The following HES3 variants were observed in gnomAD, a reference collection of about 807,000 sequenced individuals.
HES3 encodes hes family bHLH transcription factor 3.
HES3 carries 6 observed loss-of-function variants against 8.0 expected under a neutral mutation model. The ratio of observed to expected loss-of-function variants is 0.75; its 90% CI spans 0.41 to 1.49. HES3 has a LOEUF of 1.49. Among genes scored for constraint, HES3 ranks in the 40% most tolerant of loss-of-function variants. The pLI is 0.01. For missense variants in HES3, 266 were observed against 260.9 expected (o/e 1.02, Z -0.13); for synonymous variants, 121 against 119.4 (o/e 1.01, Z -0.09).
chr1:6,244,483 C>G (rs1638259929), intron 2 of HES3, 37 bp downstream of exon 2: 2 of 1,609,122 alleles, frequency 1.2e-6, no homozygotes, highest in Admixed American at 3.3e-5. Flanking sequence ...GTGGGTGATA[C>G]GATCCCAACC....
rs1638286118 is a variant in HES3 at position 6,245,488 on chromosome 1, C to A, written c.542C>A (p.Pro181His). Residue 181 changes from proline to histidine, a missense_variant, in exon 4 of 4, where the codon CCC becomes CAC. Transcript: ENST00000377898. ...CGCGTGTGGCGGCCCTGGGGAAGCC[C>A]CGGGGATGACCTGAACTGAAGGCGC... ...GLRVWRPWGS[P>H]GDDLN The A allele has an allele frequency of 6.6e-7, 1 of 1,512,468 alleles. No individual in the cohort carries two copies. Among genetic ancestry groups the A allele is most frequent in the Non-Finnish European group, 8.7e-7 (1 of 1,144,828 alleles). The allele number at this position is 1,512,468 out of a possible 1,614,324, so 93.7% of individuals were successfully genotyped here.
chr1:6,245,065 C>A, intron 3 of HES3, 45 bp from the exon 4 acceptor site: 2 of 980,580 alleles, frequency 2.0e-6, no homozygotes, highest in Non-Finnish European at 2.8e-6. Flanking sequence ...CCTTCCCCTT[C>A]CCTCTCTTCC....
At chr1:6,244,908 G>A (rs972987895) in intron 3 of HES3, among the ~76,000 whole-genome samples, 8 of 151,906 alleles carry the variant, frequency 5.3e-5, no homozygotes, top group African/African-American at 1.7e-4. Context: ...GACCCCGGGG[G>A]AGACGTTCGG....
intron 3 of HES3, 95 bp downstream of exon 3, chr1:6,244,724 T>C (rs946464334): frequency 1.7e-6 from 2 of 1,150,952 alleles, no homozygotes; most frequent in East Asian, 2.4e-5. Context: ...CAAGGACCGC[T>C]TGACCCCGGG....
intron 1 of HES3, 44 bp from the exon 2 acceptor site, chr1:6,244,307 C>A: frequency 1.3e-6 from 2 of 1,520,308 alleles, no homozygotes; most frequent in Non-Finnish European, 1.8e-6. Flanking sequence ...GTGCCGAGGG[C>A]AGGAGGGTGG....
rs780324479 is a variant in HES3 at position 6,245,462 on chromosome 1, G to C, written c.516G>C (p.Leu172=). The C allele has an allele frequency of 7.2e-6, 11 of 1,525,846 alleles. No individual in the cohort carries two copies. In the South Asian group the frequency reaches 1.4e-4, roughly 19 times the overall value. 94.5% of individuals were successfully genotyped at this position (1,525,846 alleles called of 1,614,324 possible). Residue 172 remains leucine, a synonymous_variant, in exon 4 of 4, where the codon CTG becomes CTC. Transcript: ENST00000377898. The part of the protein sequence containing the change: ...SRCAESPGLG[L]RVWRPWGSPG... The stretch of plus-strand genomic sequence containing the variant: ...GCGCCGAGAGTCCCGGGCTGGGCCT[G>C]CGCGTGTGGCGGCCCTGGGGAAGCC...
At position 6,245,562 on chromosome 1, in the gene HES3, T is replaced by G; in HGVS notation, c.*55T>G. 2.1e-6 allele frequency: 3 copies of G among 1,424,476 alleles called. No individual in the cohort carries two copies. The highest frequency in any genetic ancestry group is 2.7e-6 in the Non-Finnish European group (3 of 1,093,988). 88.2% of individuals were successfully genotyped at this position (1,424,476 alleles called of 1,614,324 possible). ...GGGACTATTTTCAGCACGCCCACAG[T>G]GACTGCCAGGACCCCCCAGTCGTCC... On this transcript the variant is annotated 3_prime_UTR_variant, in exon 4 of 4. Coordinates refer to ENST00000377898, the MANE Select transcript of HES3 (RefSeq NM_001024598.4).
rs750299403 is a variant in HES3 at position 6,245,241 on chromosome 1, G to T, written c.295G>T (p.Ala99Ser). The T allele has an allele frequency of 4.6e-6, 7 of 1,517,702 alleles. No individual in the cohort carries two copies. Among genetic ancestry groups the T allele is most frequent in the Non-Finnish European group, 6.1e-6 (7 of 1,138,696 alleles). The allele number at this position is 1,517,702 out of a possible 1,614,324, so 94.0% of individuals were successfully genotyped here. Residue 99 changes from alanine to serine, a missense_variant, in exon 4 of 4, where the codon GCC (alanine) becomes TCC (serine). Physicochemically the swap from Ala to Ser is moderately conservative, Grantham distance 99. Transcript: ENST00000377898. ...GCGCTGCCCCCTGGTGCCCGAGAGC[G>T]CCGCCGGCAGCACCATGGACAGCGC... ...GLRCPLVPES[A>S]AGSTMDSAGL...
rs1267810547 is a variant in HES3, at chr1:6,245,269, G to T, written c.323G>T (p.Gly108Val). 15 of 1,500,734 alleles carry T rather than the reference G, an allele frequency of 1.0e-5. No homozygotes were observed. The highest frequency in any genetic ancestry group is 1.3e-5 in the Non-Finnish European group (15 of 1,133,336). 93.0% of individuals were successfully genotyped at this position (1,500,734 alleles called of 1,614,324 possible). Residue 108 changes from glycine to valine, a missense_variant, in exon 4 of 4, where the codon GGG becomes GTG. By Grantham distance (109) the Gly-to-Val change is moderately radical (BLOSUM62 -3). Coordinates refer to ENST00000377898, the MANE Select transcript of HES3 (RefSeq NM_001024598.4). ...GCCGGCAGCACCATGGACAGCGCCG[G>T]GTTGGGCCAGGAGGCGCCCGCGCTG... ...SAAGSTMDSA[G>V]LGQEAPALFR... is the part of the protein sequence containing the mutation.
At chr1:6,245,008 T>TCCCCCCCCCCCCCCCCCCCC in intron 3 of HES3, 102 bp from the exon 4 acceptor site, 2 of 225,136 alleles carry the variant, frequency 8.9e-6, no homozygotes, top group South Asian at 4.1e-5. Context: ...CTCCCTCCCT[T>TCCCCCCCCCCCCCCCCCCCC]CCTCCCCTCC....
rs1487531193 is a variant in HES3, at chr1:6,245,239, G to A, written c.293G>A (p.Ser98Asn). 6.6e-7 allele frequency: 1 copy of A among 1,518,298 alleles called. No homozygotes were observed. Among genetic ancestry groups the A allele is most frequent in the Non-Finnish European group, 8.8e-7 (1 of 1,138,980 alleles). 94.1% of individuals were successfully genotyped at this position (1,518,298 alleles called of 1,614,324 possible). A position where few individuals can be genotyped will look rare whatever the true frequency, so the allele number is the denominator to read the frequency against. Residue 98 changes from serine (S) to asparagine (N), a missense_variant, in exon 4 of 4, where the codon AGC becomes AAC. Coordinates refer to ENST00000377898, the MANE Select transcript of HES3 (RefSeq NM_001024598.4). ...CTGCGCTGCCCCCTGGTGCCCGAGA[G>A]CGCCGCCGGCAGCACCATGGACAGC... Reference protein sequence around the residue: ...SGLRCPLVPESAAGSTMDSAG... With the variant: ...SGLRCPLVPENAAGSTMDSAG...
In HES3 at chr1:6,245,519, A is replaced by G. The variant is rs369433170; in HGVS notation, c.*12A>G. On this transcript the variant is annotated 3_prime_UTR_variant, in exon 4 of 4. Coordinates refer to ENST00000377898, the MANE Select transcript of HES3 (RefSeq NM_001024598.4). ...ATGACCTGAACTGAAGGCGCTCCCTATTTGGTCTCGCGACACAGGGACTAT... is the reference window on the plus strand; with the variant it reads ...ATGACCTGAACTGAAGGCGCTCCCTGTTTGGTCTCGCGACACAGGGACTAT... The G allele has an allele frequency of 1.2e-5, 17 of 1,471,128 alleles. No individual in the cohort carries two copies. Among genetic ancestry groups the G allele is most frequent in the Non-Finnish European group, 1.5e-5 (17 of 1,123,968 alleles). 91.1% of individuals were successfully genotyped at this position (1,471,128 alleles called of 1,614,324 possible).
intron 2 of HES3, 21 bp from the exon 3 acceptor site, chr1:6,244,527 G>C: frequency 6.2e-7 from 1 of 1,613,998 alleles, no homozygotes. Context: ...CGGTCTAATA[G>C]ACCTTTCCAT....
intron 1 of HES3, 43 bp downstream of exon 1, chr1:6,244,284 G>A (rs1638255524): frequency 2.3e-6 from 3 of 1,300,904 alleles, no homozygotes; most frequent in Admixed American, 1.7e-5. Context: ...CCTTCCCCGG[G>A]AGGTGTGGGG....
chr1:6,244,319 A>C, intron 1 of HES3, 32 bp from the exon 2 acceptor site: 1 of 1,554,676 alleles, frequency 6.4e-7, no homozygotes, highest in Non-Finnish European at 8.9e-7. Context: ...GGAGGGTGGC[A>C]GTCCTGCACT....
At chr1:6,244,999 T>TCCCCCCCCCCCCCCCCCCCCCCCCCCCCC in intron 3 of HES3, 111 bp from the exon 4 acceptor site, 1 of 257,056 alleles carries the variant, frequency 3.9e-6, no homozygotes, top group Non-Finnish European at 7.1e-6. Flanking sequence ...TCCCCTCTCC[T>TCCCCCCCCCCCCCCCCCCCCCCCCCCCCC]CCCTCCCTTC....
Position 6,244,355 on chromosome 1 carries a change from C to T in HES3, c.-11C>T, listed in dbSNP as rs1479022524. 3 of 1,612,970 alleles carry T rather than the reference C, an allele frequency of 1.9e-6. No homozygotes were observed. In the African/African-American group the frequency reaches 4.0e-5, roughly 22 times the overall value. On this transcript the variant is annotated 5_prime_UTR_variant, in exon 2 of 4. Transcript: ENST00000377898. ...CTAAAGGCTGTTCATCTGCAGATTT[C>T]CAAGCCGCTGATGGAGAAAAAGCGC... is the stretch of plus-strand genomic sequence containing the variant.
Position 6,245,108 on chromosome 1 carries a change from A to G in HES3, c.164-2A>G. On this transcript the variant is annotated splice_acceptor_variant, in intron 3 of 3. Transcript: ENST00000377898. LOFTEE classifies it high-confidence loss of function. ...GTTTCTCGCGTCCGCTCTTCCCCAC[A>G]GGGCTCTGGCCTGTGCCCAGGGGAG... is the stretch of plus-strand genomic sequence containing the variant. 7.1e-7 allele frequency: 1 copy of G among 1,406,068 alleles called. No homozygotes were observed. Among genetic ancestry groups the G allele is most frequent in the Non-Finnish European group, 9.3e-7 (1 of 1,072,144 alleles). The allele number at this position is 1,406,068 out of a possible 1,614,324, so 87.1% of individuals were successfully genotyped here.
Position 6,245,431 on chromosome 1 carries a change from G to A in HES3, c.485G>A (p.Ser162Asn), listed in dbSNP as rs1198588326. 6.4e-7 allele frequency: 1 copy of A among 1,556,316 alleles called. No individual in the cohort carries two copies. Among genetic ancestry groups the A allele is most frequent in the Non-Finnish European group, 8.6e-7 (1 of 1,162,072 alleles). Residue 162 changes from serine (S) to asparagine (N), a missense_variant, in exon 4 of 4, where the codon AGT becomes AAT. Coordinates refer to ENST00000377898, the MANE Select transcript of HES3 (RefSeq NM_001024598.4). ...ASVPPPQPASSRCAESPGLGL... is the reference protein window; with the variant it reads ...ASVPPPQPASNRCAESPGLGL... ...GTCCCCCCGCCGCAGCCAGCGTCGAGTCGCTGCGCCGAGAGTCCCGGGCTG... is the reference window on the plus strand; with the variant it reads ...GTCCCCCCGCCGCAGCCAGCGTCGAATCGCTGCGCCGAGAGTCCCGGGCTG...
Sources: gnomAD v4.1 joint callset for allele counts (sites outside exome capture counted in the v4.1 genomes callset) on GRCh38, gnomAD v4.1.1 for gene constraint, MANE v1.5 for transcripts, NCBI Gene and HGNC (gene_info 2026-07-23, HGNC 2026-07-21) for gene names.